Variants in ANAPC10 observed in about 807,000 individuals in gnomAD.
ANAPC10 encodes anaphase-promoting complex subunit 10.
In ANAPC10, 12 loss-of-function variants were observed where a neutral mutation model predicts 22.0. That is an observed-to-expected ratio of 0.55 (90% CI 0.35 to 0.88). The LOEUF is 0.88. Ranked by LOEUF, ANAPC10 falls within the 40% of genes least tolerant of loss-of-function variation. The pLI, the probability that ANAPC10 is intolerant of heterozygous loss-of-function variation, is 0.01. For missense variants in ANAPC10, 188 were observed against 220.9 expected, an observed-to-expected ratio of 0.85 and a Z score of 0.94; for synonymous variants, 65 against 69.5, an observed-to-expected ratio of 0.94 and a Z score of 0.32.
chr4:145,011,265 A>G (rs1160546770), intron 4 of ANAPC10, among the ~76,000 whole-genome samples: 1 of 151,690 alleles, frequency 6.6e-6, no homozygotes, highest in Non-Finnish European at 1.5e-5. Flanking sequence ...TGAACCCTGG[A>G]GGCGGAGGTT....
chr4:145,035,944 T>A (rs1020981104), intron 4 of ANAPC10, among the ~76,000 whole-genome samples: 2 of 152,194 alleles, frequency 1.3e-5, no homozygotes, highest in African/African-American at 4.8e-5. Context: ...GGAGGGATGT[T>A]ACCCAGAAAA....
At chr4:145,026,945 A>ATATATATATATATATATTTGTGTGTG (rs1287102797) in intron 4 of ANAPC10, among the ~76,000 whole-genome samples, 1 of 17,138 alleles carries the variant, frequency 5.8e-5, no homozygotes, top group Non-Finnish European at 1.2e-4. Context: ...ATATATATAT[A>ATATATATATATATATATTTGTGTGTG]TGTGTGTGTG....
chr4:145,025,990 G>A, intron 4 of ANAPC10, among the ~76,000 whole-genome samples: 1 of 152,120 alleles, frequency 6.6e-6, no homozygotes, highest in Non-Finnish European at 1.5e-5. Context: ...GGTAAAACAA[G>A]ACTAGATGGC....
At chr4:145,062,558 G>A (rs1743050456) in intron 4 of ANAPC10, among the ~76,000 whole-genome samples, 1 of 151,912 alleles carries the variant, frequency 6.6e-6, no homozygotes, top group South Asian at 2.1e-4. Flanking sequence ...AGTGAGCCAA[G>A]ATCATACCAC....
intron 2 of ANAPC10, among the ~76,000 whole-genome samples, chr4:145,094,319 G>C (rs1284151035): frequency 6.6e-6 from 1 of 152,174 alleles, no homozygotes. Context: ...GCTGTCAGGG[G>C]CTTGGAAAGG....
chr4:145,038,580 T>G (rs1052726986), intron 4 of ANAPC10, among the ~76,000 whole-genome samples: 1 of 151,904 alleles, frequency 6.6e-6, no homozygotes, highest in Admixed American at 6.6e-5. Context: ...ATCCCAGCAT[T>G]TTGGGAGGCC....
intron 4 of ANAPC10, among the ~76,000 whole-genome samples, chr4:145,032,556 G>A (rs191495358): frequency 3.9e-5 from 6 of 152,290 alleles, no homozygotes; most frequent in African/African-American, 1.4e-4. Context: ...AGGATGACCC[G>A]TTCTGTGGAC....
At chr4:145,013,297 C>T (rs1734635557) in intron 4 of ANAPC10, among the ~76,000 whole-genome samples, 1 of 151,738 alleles carries the variant, frequency 6.6e-6, no homozygotes, top group African/African-American at 2.4e-5. Flanking sequence ...AAACCTAGAA[C>T]AAATACTAGC....
At chr4:145,071,402 G>A (rs1744469075) in intron 3 of ANAPC10, among the ~76,000 whole-genome samples, 1 of 151,876 alleles carries the variant, frequency 6.6e-6, no homozygotes, top group African/African-American at 2.4e-5. Flanking sequence ...GTGAAACTCC[G>A]TCTCAAAATA....
chr4:145,055,414 C>A (rs577199804), intron 4 of ANAPC10, among the ~76,000 whole-genome samples: 1 of 151,988 alleles, frequency 6.6e-6, no homozygotes, highest in South Asian at 2.1e-4. Flanking sequence ...AAAAGTTAGC[C>A]GGGCATGGTG....
chr4:145,007,510 A>G (rs1022665137), intron 4 of ANAPC10, among the ~76,000 whole-genome samples: 3 of 152,208 alleles, frequency 2.0e-5, no homozygotes, highest in African/African-American at 7.2e-5. Flanking sequence ...ATTACAACTC[A>G]GGATTAAGAA....
At chr4:145,066,051 T>G (rs1743626303) in intron 3 of ANAPC10, among the ~76,000 whole-genome samples, 1 of 152,154 alleles carries the variant, frequency 6.6e-6, no homozygotes, top group Non-Finnish European at 1.5e-5. Context: ...CTTTAAAAGT[T>G]AAGTTCTAGT....
At chr4:145,065,260 G>T (rs527408216) in intron 3 of ANAPC10, among the ~76,000 whole-genome samples, 1 of 151,772 alleles carries the variant, frequency 6.6e-6, no homozygotes, top group East Asian at 1.9e-4. Context: ...ATATCCTAGG[G>T]AAAGAAGAAA....
intron 4 of ANAPC10, among the ~76,000 whole-genome samples, chr4:145,029,512 G>T (rs762096338): frequency 1.7e-4 from 26 of 152,170 alleles, no homozygotes; most frequent in Admixed American, 2.6e-4. Flanking sequence ...TAGAGAACAA[G>T]CATGGGAATG....
chr4:145,037,224 T>C (rs899802631), intron 4 of ANAPC10, among the ~76,000 whole-genome samples: 2 of 152,148 alleles, frequency 1.3e-5, no homozygotes, highest in Admixed American at 1.3e-4. Context: ...TTGAAACGTA[T>C]CTTTTATCTT....
rs369637473 is a variant in ANAPC10 at position 145,001,686 on chromosome 4, T to G, written c.328-6083A>C. On this transcript the variant is annotated intron_variant, in intron 4 of 4. Coordinates refer to ENST00000507656, the MANE Select transcript of ANAPC10 (RefSeq NM_001256706.2). Reference sequence around the variant, plus strand: ...CCACCTTTCCCATCACTCAATATTCTTTCGTTGATATCAGCTGCTATGGTA... The same window carrying G: ...CCACCTTTCCCATCACTCAATATTCGTTCGTTGATATCAGCTGCTATGGTA... 3.9e-5 allele frequency among the ~76,000 whole-genome samples: 6 copies of G among 152,294 alleles called. No individual in the cohort carries two copies. The East Asian group carries it at 1.2e-3, about 29-fold the overall frequency.
chr4:145,054,870 A>G (rs150869399), intron 4 of ANAPC10, among the ~76,000 whole-genome samples: 176 of 152,054 alleles, frequency 1.2e-3, no homozygotes, highest in African/African-American at 3.9e-3. Context: ...TTCATTCTAC[A>G]CCATTCTGTG....
chr4:145,065,371 CAG>C (rs1025797067), intron 3 of ANAPC10, among the ~76,000 whole-genome samples: 2 of 151,930 alleles, frequency 1.3e-5, no homozygotes, highest in African/African-American at 4.8e-5. Flanking sequence ...TTAAAACACA[CAG>C]AGATATTAGT....
intron 4 of ANAPC10, among the ~76,000 whole-genome samples, chr4:144,996,299 G>A (rs1731603537): frequency 1.3e-5 from 2 of 152,216 alleles, no homozygotes; most frequent in South Asian, 2.1e-4. Flanking sequence ...GTAAAGAGAC[G>A]TTACTCCAGA....
Sources: gnomAD v4.1 joint callset for allele counts (sites outside exome capture counted in the v4.1 genomes callset) on GRCh38, gnomAD v4.1.1 for gene constraint, MANE v1.5 for transcripts, NCBI Gene and HGNC (gene_info 2026-07-23, HGNC 2026-07-21) for gene names.